MYH13: variants seen among roughly 807,000 people sequenced by gnomAD.
MYH13 encodes the protein myosin heavy chain 13.
In MYH13, 177 loss-of-function variants were observed where a neutral mutation model predicts 232.1. That is an observed-to-expected ratio of 0.76 (90% CI 0.67 to 0.86). The LOEUF is 0.86. Among genes scored for constraint, MYH13 ranks in the 40% least tolerant of loss-of-function variants. The pLI is 0.00. For missense variants in MYH13, 2,246 were observed against 2,405.9 expected (o/e 0.93, Z 1.39); for synonymous variants, 884 against 923.5 (o/e 0.96, Z 0.78).
In MYH13 at chr17:10,323,886, C is replaced by T. The variant is rs1907098599; in HGVS notation, c.2934+136G>A. 6 of 1,168,792 alleles carry T rather than the reference C, an allele frequency of 5.1e-6. No individual in the cohort carries two copies. The East Asian group carries it at 7.8e-5, about 15-fold the overall frequency. 72.4% of individuals were successfully genotyped at this position (1,168,792 alleles called of 1,614,324 possible). On this transcript the variant is annotated intron_variant, in intron 23 of 40. Coordinates refer to ENST00000252172, the MANE Select transcript of MYH13 (RefSeq NM_003802.3). ...ACAGAACTTGTTGGGACTTAACTAC[C>T]CTTCACCTTGACGCCAGCCTCTCAT...
intron 16 of MYH13, 92 bp from the exon 17 acceptor site, chr17:10,340,493 G>A: frequency 1.1e-6 from 1 of 948,634 alleles, no homozygotes; most frequent in South Asian, 1.6e-5. Context: ...CCGAGTTCTG[G>A]TTTCCTTTTG....
chr17:10,330,568 C>T lies in MYH13; in HGVS notation c.2299-45G>A, dbSNP rs200061120. 212 of 1,565,678 alleles carry T rather than the reference C, an allele frequency of 1.4e-4. No individual in the cohort carries two copies. In the African/African-American group the frequency reaches 2.1e-3, roughly 16 times the overall value. ...AGCCTTGATCTTTTTCCCCAGCAGG[C>T]GTTCAGCCGGGCCCTTGAGGGGGCC... On this transcript the variant is annotated intron_variant, in intron 20 of 40. Transcript: ENST00000252172.
intron 7 of MYH13, among the ~76,000 whole-genome samples, chr17:10,359,542 C>T (rs28757844): frequency 0.021 from 3,177 of 152,288 alleles, 101 homozygotes; most frequent in East Asian, 0.11. Context: ...CTGTGAAGCA[C>T]TCTAGGTAAT....
At chr17:10,310,355 A>G (rs1906467283) in intron 33 of MYH13, among the ~76,000 whole-genome samples, 1 of 152,122 alleles carries the variant, frequency 6.6e-6, no homozygotes, top group Admixed American at 6.5e-5. Context: ...GGCCTCCCAA[A>G]GTACTAGGAT....
chr17:10,306,885 G>T lies in MYH13; in HGVS notation c.5295+54C>A. 6.2e-7 allele frequency: 1 copy of T among 1,608,268 alleles called. No individual in the cohort carries two copies. On this transcript the variant is annotated intron_variant, in intron 36 of 40. Coordinates refer to ENST00000252172, the MANE Select transcript of MYH13 (RefSeq NM_003802.3). The surrounding 1 kb of genome is among the most constrained non-coding windows in gnomAD (Gnocchi z 4.3). The stretch of plus-strand genomic sequence containing the variant: ...ATACTTGCCACACCCTGGCTCAGAG[G>T]CCCCACTTTCTCAGTTCCAAACCCC...
intron 2 of MYH13, among the ~76,000 whole-genome samples, chr17:10,369,302 G>T (rs1303241954): frequency 3.3e-5 from 5 of 152,148 alleles, no homozygotes; most frequent in Non-Finnish European, 7.3e-5. Flanking sequence ...CACTTAGGAA[G>T]CGTGCTACAT....
intron 33 of MYH13, among the ~76,000 whole-genome samples, chr17:10,310,445 G>T (rs1190392340): frequency 6.6e-6 from 1 of 152,156 alleles, no homozygotes; most frequent in Non-Finnish European, 1.5e-5. Context: ...AATATTCAGA[G>T]AGGTCTGAGT....
intron 37 of MYH13, among the ~76,000 whole-genome samples, chr17:10,303,783 C>T (rs925150409): frequency 2.6e-5 from 4 of 152,092 alleles, no homozygotes; most frequent in African/African-American, 9.7e-5. Context: ...GGTATATTCC[C>T]AAAGGATTAT....
At position 10,345,249 on chromosome 17, in the gene MYH13, T is replaced by C. The variant is rs749661272; in HGVS notation, c.1537A>G (p.Ile513Val). The C allele has an allele frequency of 5.6e-6, 9 of 1,614,148 alleles. No individual in the cohort carries two copies. Among genetic ancestry groups the C allele is most frequent in the Non-Finnish European group, 7.6e-6 (9 of 1,180,010 alleles). Reference sequence around the variant, plus strand: ...GCAGCCAGGTCCATTCCGAAGTCAATGAACTCCCACTCGATGCCTTCCTTC... The same window carrying C: ...GCAGCCAGGTCCATTCCGAAGTCAACGAACTCCCACTCGATGCCTTCCTTC... ...YKKEGIEWEFIDFGMDLAACI... is the reference protein window; with the variant it reads ...YKKEGIEWEFVDFGMDLAACI... The change falls in exon 15 of 41, where the codon ATT (isoleucine) becomes GTT (valine). Residue 513 changes from isoleucine (I) to valine (V), a missense_variant. Transcript: ENST00000252172.
Position 10,303,443 on chromosome 17 carries a change from A to C in MYH13, c.5522T>G (p.Leu1841Arg). The C allele has an allele frequency of 6.2e-7, 1 of 1,613,900 alleles. No individual in the cohort carries two copies. Among genetic ancestry groups the C allele is most frequent in the East Asian group, 2.2e-5 (1 of 44,880 alleles). Residue 1841 changes from leucine (L) to arginine (R), a missense_variant, in exon 38 of 41, where the codon CTG (leucine) becomes CGG (arginine). Coordinates refer to ENST00000252172, the MANE Select transcript of MYH13 (RefSeq NM_003802.3). Reference sequence around the variant, plus strand: ...GCGTTCGTACTTGTGGGCTCCCTTCAGGGCTTCAGCTCCCCTCTTCTGTTC... The same window carrying C: ...GCGTTCGTACTTGTGGGCTCCCTTCCGGGCTTCAGCTCCCCTCTTCTGTTC... The part of the protein sequence containing the change: ...DVEQKRGAEA[L>R]KGAHKYERKV...
chr17:10,350,430 A>G, intron 12 of MYH13, 126 bp downstream of exon 12: 1 of 1,378,302 alleles, frequency 7.3e-7, no homozygotes, highest in Non-Finnish European at 9.8e-7. Context: ...GCTTCAGGAA[A>G]CCCAGATTTG....
chr17:10,355,147 C>T lies in MYH13; in HGVS notation c.739G>A (p.Gly247Arg). 6.4e-7 allele frequency: 1 copy of T among 1,572,454 alleles called. No individual in the cohort carries two copies. Among genetic ancestry groups the T allele is most frequent in the Non-Finnish European group, 8.6e-7 (1 of 1,157,356 alleles). ...TVRNDNSSRF[G>R]KFIRIHFGAT... ...CCAAAATGAATCCGAATGAACTTCC[C>T]CTGTCCAATAACAGGTGGACAAATG... is the stretch of plus-strand genomic sequence containing the variant. The change falls in exon 9 of 41, where the codon GGG becomes AGG. Residue 247 changes from glycine (G) to arginine (R), a missense_variant and splice_region_variant. Transcript: ENST00000252172.
At chr17:10,356,499 C>T (rs1319082014) in intron 8 of MYH13, among the ~76,000 whole-genome samples, 1 of 152,164 alleles carries the variant, frequency 6.6e-6, no homozygotes, top group Admixed American at 6.5e-5. Context: ...TAACTTGGTC[C>T]AGGCATGGGT....
At chr17:10,312,781 TC>T in intron 30 of MYH13, 24 bp from the exon 31 acceptor site, 1 of 1,594,124 alleles carries the variant, frequency 6.3e-7, no homozygotes. Flanking sequence ...ATTTTTTTTT[TC>T]CCCTTCGCAA....
chr17:10,351,145 T>C (rs1202961531), intron 11 of MYH13, among the ~76,000 whole-genome samples: 5 of 144,576 alleles, frequency 3.5e-5, no homozygotes, highest in Non-Finnish European at 5.9e-5. Flanking sequence ...CACTTGAACC[T>C]GGGAGGCGGA....
At chr17:10,305,511 G>A (rs1906247892) in intron 37 of MYH13, among the ~76,000 whole-genome samples, 1 of 152,124 alleles carries the variant, frequency 6.6e-6, no homozygotes, top group African/African-American at 2.4e-5. Context: ...ATATCCTCGG[G>A]TGGTTTGCAT....
rs2142258335 is a variant in MYH13 at position 10,343,944 on chromosome 17, A to G, written c.1750T>C (p.Tyr584His). Residue 584 changes from tyrosine to histidine, a missense_variant, in exon 16 of 41, where the codon TAT (tyrosine) becomes CAT (histidine). Physicochemically the swap from Tyr to His is moderately conservative, Grantham distance 83. Coordinates refer to ENST00000252172, the MANE Select transcript of MYH13 (RefSeq NM_003802.3). ...KAEAHFSLVH[Y>H]AGTVDYNIAG... ...ATGTTGTAGTCCACGGTGCCGGCAT[A>G]GTGCACCAGCGAGAAGTGAGCCTCA... 1 of 1,614,234 alleles carries G rather than the reference A, an allele frequency of 6.2e-7. No individual in the cohort carries two copies. Among genetic ancestry groups the G allele is most frequent in the African/African-American group, 1.3e-5 (1 of 75,062 alleles).
chr17:10,313,277 C>A lies in MYH13; in HGVS notation c.4062G>T (p.Glu1354Asp). 1.2e-6 allele frequency: 2 copies of A among 1,614,248 alleles called. No individual in the cohort carries two copies. The highest frequency in any genetic ancestry group is 1.7e-6 in the Non-Finnish European group (2 of 1,180,048). ...TCTGCAGCTCGGCCTTGGCTTCCTG[C>A]TCCTCCTCATACTGTTCCCGCAGCA... ...CDLLREQYEEEQEAKAELQRA... is the reference protein window; with the variant it reads ...CDLLREQYEEDQEAKAELQRA... Residue 1354 changes from glutamate to aspartate, a missense_variant, in exon 30 of 41, where the codon GAG (glutamate) becomes GAT (aspartate). Transcript: ENST00000252172.
At chr17:10,337,865 T>C (rs12942265) in intron 18 of MYH13, among the ~76,000 whole-genome samples, 117,574 of 151,988 alleles carry the variant, frequency 0.77, 45,861 homozygotes, top group East Asian at 0.9. Context: ...CCATCCTGGC[T>C]AACATGGTGA....
Sources: gnomAD v4.1 joint callset for allele counts (sites outside exome capture counted in the v4.1 genomes callset) on GRCh38, gnomAD v4.1.1 for gene constraint, Gnocchi (gnomAD v3.1) non-coding constraint, MANE v1.5 for transcripts, NCBI Gene and HGNC (gene_info 2026-07-23, HGNC 2026-07-21) for gene names.